The following RTKN2 variants were observed in gnomAD, a reference collection of about 807,000 sequenced individuals.
The protein encoded by RTKN2 is rhotekin 2, also known as rhotekin-2.
RTKN2 carries 69 observed loss-of-function variants against 71.5 expected under a neutral mutation model. The observed-to-expected ratio is 0.96, with a 90% CI of 0.79 to 1.18. The LOEUF is 1.18. Ranked by LOEUF, RTKN2 falls within the 50% of genes most tolerant of loss-of-function variation. RTKN2 has a pLI of 0.00. For synonymous variants in RTKN2, 236 were observed against 236.5 expected (o/e 1.00, Z 0.02); for missense variants, 724 against 719.7 (o/e 1.01, Z -0.07).
Position 62,224,918 on chromosome 10 carries a change from C to G in RTKN2, c.687-1586G>C, listed in dbSNP as rs1454830538. ...GGAGTGATGAGCTCACCTGGAGGCTCTGTGAGCCCTGGAAGAGGAGTGGAT... is the reference window on the plus strand; with the variant it reads ...GGAGTGATGAGCTCACCTGGAGGCTGTGTGAGCCCTGGAAGAGGAGTGGAT... On this transcript the variant is annotated intron_variant, in intron 6 of 11. Transcript: ENST00000373789. Among the ~76,000 whole-genome samples, 4 of 152,132 alleles carry G rather than the reference C, an allele frequency of 2.6e-5. No individual in the cohort carries two copies. In the East Asian group the frequency reaches 7.7e-4, roughly 29 times the overall value.
intron 9 of RTKN2, among the ~76,000 whole-genome samples, chr10:62,216,407 A>C (rs568139288): frequency 6.6e-6 from 1 of 152,220 alleles, no homozygotes; most frequent in East Asian, 1.9e-4. Flanking sequence ...TGCTCTAAAA[A>C]ATGAGGAAAG....
chr10:62,196,769 T>G lies in RTKN2; in HGVS notation c.*1139A>C. 1.0e-6 allele frequency: 1 copy of G among 979,162 alleles called. No individual in the cohort carries two copies. Among genetic ancestry groups the G allele is most frequent in the Non-Finnish European group, 1.2e-6 (1 of 824,246 alleles). The allele number at this position is 979,162 out of a possible 1,614,324, so 60.7% of individuals were successfully genotyped here. Reference sequence around the variant, plus strand: ...TATTTGGAAATTCTAATTAGATTTTTAAAACTGTTCTGCTCTTGTTTACAA... The same window carrying G: ...TATTTGGAAATTCTAATTAGATTTTGAAAACTGTTCTGCTCTTGTTTACAA... On this transcript the variant is annotated 3_prime_UTR_variant, in exon 12 of 12. Transcript: ENST00000373789.
exon 9 of RTKN2, chr10:62,184,310 G>C: frequency 6.7e-7 from 1 of 1,496,982 alleles, no homozygotes; most frequent in Admixed American, 2.0e-5. Flanking sequence ...TTCTAATGAA[G>C]TATTTGAGAA....
intron 2 of RTKN2, among the ~76,000 whole-genome samples, chr10:62,249,845 A>C (rs577276914): frequency 6.6e-6 from 1 of 152,212 alleles, no homozygotes; most frequent in Admixed American, 6.5e-5. Flanking sequence ...TTTTGGCCTC[A>C]GTATTTAGGT....
At position 62,196,173 on chromosome 10, in the gene RTKN2, A is replaced by T. The variant is rs1047138343; in HGVS notation, c.*1735T>A. 1 of 980,012 alleles carries T rather than the reference A, an allele frequency of 1.0e-6. No homozygotes were observed. The highest frequency in any genetic ancestry group is 1.8e-5 in the African/African-American group (1 of 57,104). 60.7% of individuals were successfully genotyped at this position (980,012 alleles called of 1,614,324 possible). ...AAACAGCAATGAAGTTTTAAAAAAT[A>T]ACCCAAAAATTCAAACAATAATATC... On this transcript the variant is annotated 3_prime_UTR_variant, in exon 12 of 12. Transcript: ENST00000373789.
intron 2 of RTKN2, among the ~76,000 whole-genome samples, chr10:62,249,639 T>C (rs1488903514): frequency 1.3e-5 from 2 of 152,216 alleles, no homozygotes; most frequent in Non-Finnish European, 2.9e-5. Flanking sequence ...AGTCTTAGAA[T>C]TGGATTTTAC....
At position 62,197,761 on chromosome 10, in the gene RTKN2, A is replaced by G; in HGVS notation, c.*147T>C. On this transcript the variant is annotated 3_prime_UTR_variant, in exon 12 of 12. Transcript: ENST00000373789. ...TAAAAGAGAAATCCACTTCTTCATT[A>G]TAAAATGTTTTTCTATACCTAATAG... 1.4e-6 allele frequency: 2 copies of G among 1,417,054 alleles called. No individual in the cohort carries two copies. Among genetic ancestry groups the G allele is most frequent in the South Asian group, 1.6e-5 (1 of 61,072 alleles). 87.8% of individuals were successfully genotyped at this position (1,417,054 alleles called of 1,614,324 possible).
chr10:62,222,591 G>T (rs574498134), intron 7 of RTKN2, among the ~76,000 whole-genome samples: 2 of 152,114 alleles, frequency 1.3e-5, no homozygotes, highest in African/African-American at 4.8e-5. Context: ...TATTTATTTT[G>T]CTTGGAGAAA....
chr10:62,199,622 T>C (rs749620100), intron 11 of RTKN2, 132 bp downstream of exon 11: 13 of 554,746 alleles, frequency 2.3e-5, no homozygotes, highest in Non-Finnish European at 3.6e-5. Context: ...TAGTCTATAA[T>C]CAGTCTTTTT....
intron 2 of RTKN2, among the ~76,000 whole-genome samples, chr10:62,250,846 G>C (rs1160629876): frequency 6.6e-6 from 1 of 152,128 alleles, no homozygotes; most frequent in Non-Finnish European, 1.5e-5. Flanking sequence ...GCCCAAGCTG[G>C]TCTCGAACTC....
At position 62,268,690 on chromosome 10, in the gene RTKN2, A is replaced by T; in HGVS notation, c.-80T>A. 6.9e-7 allele frequency: 1 copy of T among 1,438,888 alleles called. No homozygotes were observed. Among genetic ancestry groups the T allele is most frequent in the Non-Finnish European group, 9.5e-7 (1 of 1,055,442 alleles). The allele number at this position is 1,438,888 out of a possible 1,614,324, so 89.1% of individuals were successfully genotyped here. A position where few individuals can be genotyped will look rare whatever the true frequency, so the allele number is the denominator to read the frequency against. On this transcript the variant is annotated 5_prime_UTR_variant, in exon 1 of 12. Coordinates refer to ENST00000373789, the MANE Select transcript of RTKN2 (RefSeq NM_145307.4). ...AGCCCGCCCCTGGCAGGAGCCGCAG[A>T]GGACGCCAACCGCCCGGCCGTACCA...
At chr10:62,238,310 G>C (rs748834646) in intron 5 of RTKN2, 10 of 151,924 alleles carry the variant, frequency 6.6e-5, no homozygotes, top group Non-Finnish European at 1.5e-4. Context: ...TTTTCAACAT[G>C]TAGAACATTT....
In RTKN2 at chr10:62,268,706, G is replaced by A. The variant is rs1026752899; in HGVS notation, c.-96C>T. The A allele has an allele frequency of 3.0e-6, 4 of 1,313,366 alleles. 1 individual carries two copies. Among genetic ancestry groups the A allele is most frequent in the East Asian group, 2.6e-5 (1 of 38,658 alleles). 81.4% of individuals were successfully genotyped at this position (1,313,366 alleles called of 1,614,324 possible). A position where few individuals can be genotyped will look rare whatever the true frequency, so the allele number is the denominator to read the frequency against. On this transcript the variant is annotated 5_prime_UTR_variant, in exon 1 of 12. Coordinates refer to ENST00000373789, the MANE Select transcript of RTKN2 (RefSeq NM_145307.4). ...GAGCCGCAGAGGACGCCAACCGCCC[G>A]GCCGTACCAAGTCCCAGTCGCAGGG...
intron 9 of RTKN2, among the ~76,000 whole-genome samples, chr10:62,216,543 A>T (rs928354173): frequency 1.3e-5 from 2 of 152,092 alleles, no homozygotes; most frequent in African/African-American, 4.8e-5. Flanking sequence ...AAAAAATTGT[A>T]GCTAGATTTC....
At chr10:62,208,115 T>A (rs376651695) in intron 9 of RTKN2, among the ~76,000 whole-genome samples, 1 of 152,180 alleles carries the variant, frequency 6.6e-6, no homozygotes, top group Non-Finnish European at 1.5e-5. Context: ...GAAGTCAATT[T>A]TGTAATAAAA....
At chr10:62,191,883 C>CTG (rs1390767221), downstream of RTKN2, among the ~76,000 whole-genome samples, 1 of 152,028 alleles carries the variant, frequency 6.6e-6, no homozygotes, top group South Asian at 2.1e-4. Flanking sequence ...GACTAAGTTA[C>CTG]TGTGTGTGTG....
At chr10:62,241,024 G>A (rs1842362757) in intron 4 of RTKN2, 118 bp downstream of exon 4, 1 of 601,692 alleles carries the variant, frequency 1.7e-6, no homozygotes, top group South Asian at 2.1e-5. Flanking sequence ...TCAAGATGCT[G>A]CTTATTCTTT....
chr10:62,195,275 T>G lies in RTKN2; in HGVS notation c.*2633A>C. The G allele has an allele frequency of 1.0e-6, 1 of 984,476 alleles. No individual in the cohort carries two copies. The highest frequency in any genetic ancestry group is 1.1e-4 in the East Asian group (1 of 8,808). 61.0% of individuals were successfully genotyped at this position (984,476 alleles called of 1,614,324 possible). A position where few individuals can be genotyped will look rare whatever the true frequency, so the allele number is the denominator to read the frequency against. On this transcript the variant is annotated 3_prime_UTR_variant, in exon 12 of 12. Transcript: ENST00000373789. ...CTTTGTTTCAAGTTTATAGTCTTCA[T>G]ATATCAAGAAACAAATTAAAAGGAC...
chr10:62,189,720 G>A (rs1841190181), downstream of RTKN2, among the ~76,000 whole-genome samples: 1 of 152,180 alleles, frequency 6.6e-6, no homozygotes, highest in African/African-American at 2.4e-5. Flanking sequence ...CAGCTACTCG[G>A]GAGGCTGAGG....
Sources: allele counts gnomAD v4.1 joint callset (sites outside exome capture counted in the v4.1 genomes callset), GRCh38; gene constraint gnomAD v4.1.1; transcripts MANE v1.5; gene names NCBI Gene and HGNC (gene_info 2026-07-23, HGNC 2026-07-21).